Variants in ATF6 observed in about 807,000 individuals in gnomAD.
ATF6 encodes cyclic AMP-dependent transcription factor ATF-6 alpha.
A neutral mutation model predicts 83.6 loss-of-function variants in ATF6; 53 were observed. The ratio of observed to expected loss-of-function variants is 0.63; its 90% confidence interval spans 0.51 to 0.80. The LOEUF is 0.80. Among genes scored for constraint, ATF6 ranks in the 30% least tolerant of loss-of-function variants. ATF6 has a pLI of 0.00. For missense variants in ATF6, 744 were observed against 797.9 expected (o/e 0.93, Z 0.81); for synonymous variants, 288 against 285.8 (o/e 1.01, Z -0.08).
In ATF6 at chr1:161,958,916, G is replaced by A. The variant is rs1008814393; in HGVS notation, c.*262G>A. 6.3e-6 allele frequency: 2 copies of A among 315,348 alleles called. No homozygotes were observed. Among genetic ancestry groups the A allele is most frequent in the East Asian group, 1.0e-4 (2 of 19,226 alleles). The allele number at this position is 315,348 out of a possible 1,614,324, so 19.5% of individuals were successfully genotyped here. On this transcript the variant is annotated 3_prime_UTR_variant, in exon 16 of 16. Coordinates refer to ENST00000367942, the MANE Select transcript of ATF6 (RefSeq NM_007348.4). The stretch of plus-strand genomic sequence containing the variant: ...CCTGCATCCTCCAGTGTTACCTGGT[G>A]TAGATTTTTTTTTCTGTACCTTTCT...
At chr1:161,878,748 G>A (rs1289722180) in intron 14 of ATF6, among the ~76,000 whole-genome samples, 3 of 152,106 alleles carry the variant, frequency 2.0e-5, no homozygotes, top group African/African-American at 4.8e-5. Context: ...CTGTTGAGAC[G>A]TTAGATAAGA....
intron 14 of ATF6, among the ~76,000 whole-genome samples, chr1:161,886,514 C>A (rs1687425497): frequency 6.6e-6 from 1 of 152,104 alleles, no homozygotes; most frequent in Admixed American, 6.5e-5. Flanking sequence ...AGATGTATAT[C>A]TTTGTTTATA....
intron 6 of ATF6, among the ~76,000 whole-genome samples, chr1:161,792,654 G>T (rs1046905206): frequency 6.6e-6 from 1 of 152,152 alleles, no homozygotes; most frequent in African/African-American, 2.4e-5. Context: ...TTTTGTGGCT[G>T]TGAACTTTTT....
At chr1:161,783,954 G>A (rs781735101) in intron 3 of ATF6, 36 bp from the exon 4 acceptor site, 2 of 1,342,808 alleles carry the variant, frequency 1.5e-6, no homozygotes, top group South Asian at 2.4e-5. Flanking sequence ...AGTTTTTATT[G>A]TCCAGTGGGT....
intron 2 of ATF6, among the ~76,000 whole-genome samples, chr1:161,780,460 A>G (rs1435361790): frequency 6.6e-6 from 1 of 150,410 alleles, no homozygotes; most frequent in Non-Finnish European, 1.5e-5. Flanking sequence ...TGTAAGCTCC[A>G]CCTCCCGGGT....
intron 7 of ATF6, among the ~76,000 whole-genome samples, chr1:161,815,184 A>ATTTTTTTTTTTTTTTTTTTTTTTTTTTTT (rs34687938): frequency 1.0e-5 from 1 of 96,452 alleles, no homozygotes; most frequent in African/African-American, 4.7e-5. Context: ...TCCCATTTTA[A>ATTTTTTTTTTTTTTTTTTTTTTTTTTTTT]TTTTTTTTTT....
chr1:161,835,674 A>G (rs1464464535), intron 9 of ATF6, among the ~76,000 whole-genome samples: 1 of 152,194 alleles, frequency 6.6e-6, no homozygotes, highest in Non-Finnish European at 1.5e-5. Flanking sequence ...CTCTGTATAG[A>G]TAGGTTTGTC....
chr1:161,766,366 G>A lies in ATF6; in HGVS notation c.6G>A (p.Gly2=). M[G]EPAGVAGTME... is the part of the protein sequence containing the mutation. ...AGGGAGAAGGAACTTGTGAAATGGG[G>A]GAGCCGGCTGGGGTTGCCGGCACCA... Residue 2 remains glycine, a synonymous_variant, in exon 1 of 16, where the codon GGG becomes GGA. Coordinates refer to ENST00000367942, the MANE Select transcript of ATF6 (RefSeq NM_007348.4). 5.0e-6 allele frequency: 8 copies of A among 1,612,846 alleles called. No individual in the cohort carries two copies. Among genetic ancestry groups the A allele is most frequent in the Non-Finnish European group, 6.8e-6 (8 of 1,179,386 alleles).
intron 2 of ATF6, among the ~76,000 whole-genome samples, chr1:161,778,581 C>T (rs1684572504): frequency 6.6e-6 from 1 of 152,098 alleles, no homozygotes; most frequent in Non-Finnish European, 1.5e-5. Flanking sequence ...AATCTGCCTA[C>T]CTGGTTTTTA....
At chr1:161,893,174 C>CT (rs888904564) in intron 14 of ATF6, among the ~76,000 whole-genome samples, 52 of 150,392 alleles carry the variant, frequency 3.5e-4, no homozygotes, top group African/African-American at 9.3e-4. Context: ...TTCTTTCTTT[C>CT]TTTTTTTTTG....
chr1:161,864,439 T>C (rs1394702136), intron 14 of ATF6, among the ~76,000 whole-genome samples: 2 of 152,176 alleles, frequency 1.3e-5, no homozygotes, highest in South Asian at 4.1e-4. Flanking sequence ...GTGTCTATAC[T>C]AACAATAGAA....
chr1:161,830,279 T>C (rs1236907543), intron 9 of ATF6, among the ~76,000 whole-genome samples: 1 of 152,174 alleles, frequency 6.6e-6, no homozygotes, highest in Non-Finnish European at 1.5e-5. Flanking sequence ...TACAAACCAC[T>C]GCTCAATGAA....
intron 14 of ATF6, among the ~76,000 whole-genome samples, chr1:161,894,915 A>G (rs555877318): frequency 5.9e-5 from 9 of 151,966 alleles, no homozygotes; most frequent in African/African-American, 9.6e-5. Flanking sequence ...CTCAACCATT[A>G]ATAGATAACT....
At position 161,958,965 on chromosome 1, in the gene ATF6, G is replaced by A; in HGVS notation, c.*311G>A. 4.5e-6 allele frequency: 1 copy of A among 224,408 alleles called. No individual in the cohort carries two copies. Among genetic ancestry groups the A allele is most frequent in the Non-Finnish European group, 8.8e-6 (1 of 114,168 alleles). The allele number at this position is 224,408 out of a possible 1,614,324, so 13.9% of individuals were successfully genotyped here. A position where few individuals can be genotyped will look rare whatever the true frequency, so the allele number is the denominator to read the frequency against. On this transcript the variant is annotated 3_prime_UTR_variant, in exon 16 of 16. Transcript: ENST00000367942. ...CTAAACCTCTCTTCCCTCTGTGATG[G>A]TTTTGTGTTTAAACAGTCATCTTCT...
chr1:161,851,996 C>T (rs1212675002), intron 11 of ATF6, among the ~76,000 whole-genome samples, 161 bp downstream of exon 11: 2 of 152,194 alleles, frequency 1.3e-5, no homozygotes, highest in Non-Finnish European at 2.9e-5. Context: ...CTCCACCAAC[C>T]TCATGGAGAT....
chr1:161,914,045 G>T (rs1688042865), intron 15 of ATF6, among the ~76,000 whole-genome samples: 1 of 152,146 alleles, frequency 6.6e-6, no homozygotes, highest in Admixed American at 6.5e-5. Flanking sequence ...GTCATTAGAG[G>T]ATCATTGTCT....
chr1:161,910,165 C>T (rs1687961605), intron 14 of ATF6, among the ~76,000 whole-genome samples: 1 of 152,106 alleles, frequency 6.6e-6, no homozygotes, highest in African/African-American at 2.4e-5. Context: ...AAGTTAACTA[C>T]ATTGTCCCAG....
intron 14 of ATF6, among the ~76,000 whole-genome samples, chr1:161,910,199 TG>T (rs1687962315): frequency 6.6e-6 from 1 of 152,182 alleles, no homozygotes; most frequent in Non-Finnish European, 1.5e-5. Context: ...ATAGATAAAA[TG>T]TATATATTAT....
At chr1:161,818,083 A>C (rs573577809) in intron 7 of ATF6, among the ~76,000 whole-genome samples, 29 of 149,486 alleles carry the variant, frequency 1.9e-4, no homozygotes, top group African/African-American at 7.1e-4. Flanking sequence ...CCTGGGCAAC[A>C]GAGCAAGACT....
Sources: allele counts gnomAD v4.1 joint callset (sites outside exome capture counted in the v4.1 genomes callset), GRCh38; gene constraint gnomAD v4.1.1; transcripts MANE v1.5; gene names NCBI Gene and HGNC (gene_info 2026-07-23, HGNC 2026-07-21).